Variants in MICAL2 observed in about 807,000 individuals in gnomAD.
The protein encoded by MICAL2 is [F-actin]-monooxygenase MICAL2.
MICAL2 carries 77 observed loss-of-function variants against 127.3 expected under a neutral mutation model. The observed-to-expected ratio is 0.60, with a 90% confidence interval of 0.50 to 0.73. The LOEUF is 0.73. MICAL2 is among the 30% of genes least tolerant of loss of function. MICAL2 has a pLI of 0.00. For missense variants in MICAL2, 1,351 were observed against 1,434.4 expected (o/e 0.94, Z 0.94); for synonymous variants, 570 against 551.1 (o/e 1.03, Z -0.48).
Position 12,224,686 on chromosome 11 carries a change from G to A in MICAL2, c.1554G>A (p.Arg518=). The change falls in exon 13 of 28, where the codon CGG becomes CGA. Residue 518 remains arginine, a synonymous_variant. Transcript: ENST00000683283. ...TCCTTCTTGCAGAGTCAGATATCCG[G>A]CCCAGCAAGCTCCTGACCTGGTGCC... ...VNLSRKESDI[R]PSKLLTWCQQ... is the part of the protein sequence containing the mutation. The A allele has an allele frequency of 1.9e-6, 3 of 1,613,778 alleles. No homozygotes were observed. Among genetic ancestry groups the A allele is most frequent in the Non-Finnish European group, 2.5e-6 (3 of 1,179,796 alleles).
intron 10 of MICAL2, 145 bp from the exon 11 acceptor site, chr11:12,222,472 A>G (rs1856937267): frequency 1.8e-6 from 2 of 1,120,664 alleles, no homozygotes; most frequent in East Asian, 2.6e-5. Flanking sequence ...CTCAAGAACC[A>G]GGAGAGTCAG....
At chr11:12,353,862 T>C (rs973339887) in intron 33 of MICAL2, among the ~76,000 whole-genome samples, 2 of 152,148 alleles carry the variant, frequency 1.3e-5, no homozygotes, top group African/African-American at 4.8e-5. Flanking sequence ...TATCTCACTT[T>C]TGTTTGCTCT....
intron 32 of MICAL2, among the ~76,000 whole-genome samples, chr11:12,331,457 A>T (rs1590740937): frequency 1.3e-5 from 2 of 152,148 alleles, no homozygotes; most frequent in African/African-American, 2.4e-5. Flanking sequence ...AAAAATTAGG[A>T]TGCACAAAGT....
intron 2 of MICAL2, among the ~76,000 whole-genome samples, chr11:12,152,849 T>C (rs1853747461): frequency 6.6e-6 from 1 of 152,216 alleles, no homozygotes; most frequent in African/African-American, 2.4e-5. Flanking sequence ...CTCAAAAGTA[T>C]TTCAGAAAGT....
At chr11:12,226,106 G>A in intron 13 of MICAL2, 65 bp from the exon 14 acceptor site, 1 of 1,517,948 alleles carries the variant, frequency 6.6e-7, no homozygotes, top group South Asian at 1.1e-5. Context: ...CCACCTGAAG[G>A]TGCTCAGCTC....
intron 3 of MICAL2, among the ~76,000 whole-genome samples, chr11:12,174,789 C>T (rs1301331957): frequency 6.6e-6 from 1 of 152,140 alleles, no homozygotes; most frequent in African/African-American, 2.4e-5. Context: ...AAATTGCCAT[C>T]CCTGAGTTAA....
intron 15 of MICAL2, among the ~76,000 whole-genome samples, chr11:12,227,753 A>G (rs919477177): frequency 5.3e-5 from 8 of 152,338 alleles, no homozygotes; most frequent in Non-Finnish European, 7.4e-5. Context: ...AATTTTTTTC[A>G]TGGTGGGCCT....
chr11:12,186,390 A>T (rs1858283473), intron 3 of MICAL2, among the ~76,000 whole-genome samples: 1 of 152,218 alleles, frequency 6.6e-6, no homozygotes, highest in Non-Finnish European at 1.5e-5. Context: ...CTCTGTTTAG[A>T]GTAAATTTAA....
rs538626918 is a variant in MICAL2 at position 12,356,062 on chromosome 11, T to A, written c.5689+1205T>A. On this transcript the variant is annotated intron_variant, in intron 34 of 34. Coordinates refer to the MICAL2 transcript ENST00000646065. ...ACTGATATCTGATTTATATATCAGA[T>A]TTGAAAAGTTTAATTTGTTCTGTTT... 3.4e-4 allele frequency among the ~76,000 whole-genome samples: 52 copies of A among 152,318 alleles called. 1 individual carries two copies. Among genetic ancestry groups the A allele is most frequent in the Middle Eastern group, 3.4e-3 (1 of 294 alleles).
At chr11:12,115,835 A>G (rs909581554) in intron 1 of MICAL2, among the ~76,000 whole-genome samples, 2 of 152,210 alleles carry the variant, frequency 1.3e-5, no homozygotes, top group East Asian at 3.8e-4. Flanking sequence ...AGGTAGACAG[A>G]ATTATACGTG....
chr11:12,354,431 C>A (rs1272831607), intron 33 of MICAL2, among the ~76,000 whole-genome samples: 1 of 151,504 alleles, frequency 6.6e-6, no homozygotes, highest in East Asian at 1.9e-4. Flanking sequence ...AATACCGTGC[C>A]ACTGCAGTCC....
intron 21 of MICAL2, among the ~76,000 whole-genome samples, chr11:12,247,304 G>C (rs755990799): frequency 6.6e-6 from 1 of 152,202 alleles, no homozygotes; most frequent in African/African-American, 2.4e-5. Flanking sequence ...CTCCTCCCCA[G>C]TTGTGGTAGA....
At chr11:12,316,046 T>C (rs1864228518) in intron 29 of MICAL2, among the ~76,000 whole-genome samples, 1 of 152,128 alleles carries the variant, frequency 6.6e-6, no homozygotes, top group Non-Finnish European at 1.5e-5. Flanking sequence ...TCTTTATCTT[T>C]GTTAATATTC....
intron 30 of MICAL2, chr11:12,319,821 C>T: frequency 6.2e-7 from 1 of 1,604,138 alleles, no homozygotes; most frequent in South Asian, 1.1e-5. Flanking sequence ...GGTAACAACA[C>T]TTGACCAGCC....
chr11:12,315,848 T>G (rs949307415), intron 29 of MICAL2, among the ~76,000 whole-genome samples: 1 of 152,204 alleles, frequency 6.6e-6, no homozygotes, highest in Non-Finnish European at 1.5e-5. Flanking sequence ...TAGCTATAAT[T>G]TTTGAATTAT....
At chr11:12,332,484 A>G (rs1194596943) in intron 32 of MICAL2, among the ~76,000 whole-genome samples, 1 of 152,238 alleles carries the variant, frequency 6.6e-6, no homozygotes, top group African/African-American at 2.4e-5. Flanking sequence ...ATAAGACTTC[A>G]AAGTGGATGA....
intron 32 of MICAL2, among the ~76,000 whole-genome samples, chr11:12,347,510 C>T (rs971179383): frequency 6.6e-6 from 1 of 152,144 alleles, no homozygotes; most frequent in Non-Finnish European, 1.5e-5. Context: ...ATGAATGAAA[C>T]AGAAGCCAAG....
At chr11:12,350,428 TGTCACCACACTCTGAAAAAGCTGAAG>T (rs1939025873) in intron 33 of MICAL2, among the ~76,000 whole-genome samples, 1 of 152,192 alleles carries the variant, frequency 6.6e-6, no homozygotes, top group East Asian at 1.9e-4. Context: ...TGGAGATGGA[TGTCACCACACTCTGAAAAAGCTGAAG>T]GTCACTATAC....
At chr11:12,353,142 G>A (rs185805294) in intron 33 of MICAL2, among the ~76,000 whole-genome samples, 15 of 152,242 alleles carry the variant, frequency 9.9e-5, no homozygotes, top group African/African-American at 2.9e-4. Flanking sequence ...TAAAAATAAC[G>A]CCAGTAACCG....
Sources: gnomAD v4.1 joint callset for allele counts (sites outside exome capture counted in the v4.1 genomes callset) on GRCh38, gnomAD v4.1.1 for gene constraint, MANE v1.5 for transcripts, NCBI Gene and HGNC (gene_info 2026-07-23, HGNC 2026-07-21) for gene names.